The following KIF26B variants were observed in gnomAD, a reference collection of about 807,000 sequenced individuals.
KIF26B encodes kinesin family member 26B, also known as kinesin-like protein KIF26B.
KIF26B carries 63 observed loss-of-function variants against 151.2 expected under a neutral mutation model. That is an observed-to-expected ratio of 0.42 (90% CI 0.34 to 0.51). KIF26B has a LOEUF of 0.51. Ranked by LOEUF, KIF26B falls within the 20% of genes least tolerant of loss-of-function variation. The pLI is 0.07. For synonymous variants in KIF26B, 1,357 were observed against 1,262.1 expected, an observed-to-expected ratio of 1.08 and a Z score of -1.59; for missense variants, 2,813 against 2,913.6, an observed-to-expected ratio of 0.97 and a Z score of 0.79.
rs187040812 is a variant in KIF26B at position 245,411,550 on chromosome 1, G to A, written c.1000-8029G>A. Among the ~76,000 whole-genome samples, 588 of 152,290 alleles carry A rather than the reference G, an allele frequency of 3.9e-3. 2 individuals are homozygous for A. The highest frequency in any genetic ancestry group is 0.014 in the African/African-American group (569 of 41,552). ...TAAAATGAAGCATTTCACCTCGCCG[G>A]GGGAGTGGCATTGAAGTGAGAGGCA... On this transcript the variant is annotated intron_variant, in intron 3 of 14. Transcript: ENST00000407071.
At chr1:245,616,162 A>G (rs1349353966) in intron 9 of KIF26B, among the ~76,000 whole-genome samples, 2 of 152,378 alleles carry the variant, frequency 1.3e-5, no homozygotes, top group East Asian at 3.9e-4. Context: ...GACAAAAAAA[A>G]GTTTTAAACA....
intron 9 of KIF26B, among the ~76,000 whole-genome samples, chr1:245,626,615 T>C (rs1265492378): frequency 6.6e-6 from 1 of 152,058 alleles, no homozygotes; most frequent in Non-Finnish European, 1.5e-5. Flanking sequence ...CTGTTTTGAG[T>C]TCCCTGGATA....
intron 2 of KIF26B, among the ~76,000 whole-genome samples, chr1:245,199,254 C>T (rs1337850786): frequency 1.3e-5 from 2 of 151,992 alleles, no homozygotes; most frequent in Non-Finnish European, 1.5e-5. Flanking sequence ...TGGTAGGGTG[C>T]CCTCGTACCA....
intron 4 of KIF26B, among the ~76,000 whole-genome samples, chr1:245,447,818 A>AT (rs1659280760): frequency 6.6e-6 from 1 of 152,220 alleles, no homozygotes; most frequent in South Asian, 2.1e-4. Flanking sequence ...TCTACATGTA[A>AT]TTAAAAGTAA....
chr1:245,291,013 T>C (rs1671246063), intron 2 of KIF26B, among the ~76,000 whole-genome samples: 1 of 152,186 alleles, frequency 6.6e-6, no homozygotes, highest in African/African-American at 2.4e-5. Context: ...GCTGGGGGTG[T>C]TGTCTCTTTT....
intron 2 of KIF26B, among the ~76,000 whole-genome samples, chr1:245,278,633 G>T (rs940221519): frequency 6.6e-6 from 1 of 152,112 alleles, no homozygotes; most frequent in East Asian, 1.9e-4. Flanking sequence ...TGGTGATGGG[G>T]GTTCCCTAGA....
chr1:245,700,562 G>A (rs1032167972), intron 14 of KIF26B, among the ~76,000 whole-genome samples: 1 of 152,174 alleles, frequency 6.6e-6, no homozygotes, highest in Non-Finnish European at 1.5e-5. Flanking sequence ...GCCGGGCGTG[G>A]TGGCGGGCAC....
intron 4 of KIF26B, among the ~76,000 whole-genome samples, chr1:245,509,505 A>G (rs567969251): frequency 4.6e-5 from 7 of 152,272 alleles, no homozygotes; most frequent in African/African-American, 9.6e-5. Context: ...CCTATCCTCC[A>G]TAAATGTTGG....
At chr1:245,374,553 C>T (rs1673227803) in intron 3 of KIF26B, among the ~76,000 whole-genome samples, 1 of 152,188 alleles carries the variant, frequency 6.6e-6, no homozygotes, top group African/African-American at 2.4e-5. Flanking sequence ...AAATATGCAG[C>T]ACACCCCTTC....
intron 2 of KIF26B, among the ~76,000 whole-genome samples, chr1:245,184,807 G>C (rs1668972295): frequency 6.6e-6 from 1 of 152,206 alleles, no homozygotes; most frequent in Admixed American, 6.5e-5. Context: ...GTAATGAGTG[G>C]TGAATTGTTT....
chr1:245,586,719 TAAA>T (rs540579369), intron 5 of KIF26B, among the ~76,000 whole-genome samples: 3 of 149,848 alleles, frequency 2.0e-5, no homozygotes, highest in African/African-American at 7.4e-5. Context: ...CCGTCTCTAC[TAAA>T]AAAAATACAA....
At chr1:245,577,499 G>C (rs929128853) in intron 5 of KIF26B, among the ~76,000 whole-genome samples, 2 of 152,238 alleles carry the variant, frequency 1.3e-5, no homozygotes, top group Non-Finnish European at 2.9e-5. Context: ...AGACAAAAGA[G>C]CCAACAGCAT....
intron 2 of KIF26B, among the ~76,000 whole-genome samples, chr1:245,317,233 T>G (rs1476849110): frequency 6.6e-6 from 1 of 152,238 alleles, no homozygotes; most frequent in Non-Finnish European, 1.5e-5. Context: ...CTAAGGTCCC[T>G]TCTTAGAAAT....
At chr1:245,427,854 G>A (rs1405184226) in intron 4 of KIF26B, among the ~76,000 whole-genome samples, 2 of 152,124 alleles carry the variant, frequency 1.3e-5, no homozygotes, top group Non-Finnish European at 2.9e-5. Flanking sequence ...TCCCATGGAA[G>A]CAGGGCTACC....
intron 3 of KIF26B, among the ~76,000 whole-genome samples, chr1:245,384,498 C>T (rs1198379486): frequency 2.6e-5 from 4 of 152,154 alleles, no homozygotes; most frequent in East Asian, 3.9e-4. Flanking sequence ...GACAGCTCAT[C>T]GCAGTCTCAA....
intron 2 of KIF26B, among the ~76,000 whole-genome samples, chr1:245,313,029 C>T (rs771699727): frequency 3.3e-5 from 5 of 152,036 alleles, no homozygotes; most frequent in South Asian, 2.1e-4. Flanking sequence ...CGTGGTGGTG[C>T]GCACCTGTAG....
chr1:245,574,516 G>T (rs1288627901), intron 5 of KIF26B, among the ~76,000 whole-genome samples: 1 of 152,318 alleles, frequency 6.6e-6, no homozygotes, highest in East Asian at 1.9e-4. Flanking sequence ...AGAGCAGGAA[G>T]GTGTGGCCAG....
At chr1:245,544,250 C>T (rs186203296) in intron 5 of KIF26B, among the ~76,000 whole-genome samples, 4 of 152,222 alleles carry the variant, frequency 2.6e-5, no homozygotes, top group Admixed American at 2.0e-4. Context: ...TAATATAGAA[C>T]ATAAATAATT....
In KIF26B at chr1:245,166,013, T is replaced by G. The variant is rs979386844; in HGVS notation, c.465+9330T>G. Among the ~76,000 whole-genome samples, 2 of 152,158 alleles carry G rather than the reference T, an allele frequency of 1.3e-5. No homozygotes were observed. Among genetic ancestry groups the G allele is most frequent in the African/African-American group, 2.4e-5 (1 of 41,436 alleles). ...CTCTTATTATCTTAAAATGAAGAACTACAATCAACAGACTTGCGTGCAAAA... is the reference window on the plus strand; with the variant it reads ...CTCTTATTATCTTAAAATGAAGAACGACAATCAACAGACTTGCGTGCAAAA... On this transcript the variant is annotated intron_variant, in intron 2 of 14. Transcript: ENST00000407071. The surrounding 1 kb of genome is among the most constrained non-coding windows in gnomAD (Gnocchi z 4.5).
Sources: allele counts gnomAD v4.1 joint callset (sites outside exome capture counted in the v4.1 genomes callset), GRCh38; gene constraint gnomAD v4.1.1; non-coding constraint Gnocchi (gnomAD v3.1); transcripts MANE v1.5; gene names NCBI Gene and HGNC (gene_info 2026-07-23, HGNC 2026-07-21).